The following MARCHF10 variants were observed in gnomAD, a reference collection of about 807,000 sequenced individuals.
The protein encoded by MARCHF10 is membrane associated ring-CH-type finger 10, also known as probable E3 ubiquitin-protein ligase MARCHF10.
MARCHF10 carries 64 observed loss-of-function variants against 76.2 expected under a neutral mutation model. The observed-to-expected ratio is 0.84, with a 90% CI of 0.69 to 1.03. MARCHF10 has a LOEUF of 1.03. Among genes scored for constraint, MARCHF10 ranks in the 50% least tolerant of loss-of-function variants. The pLI is 0.00. For synonymous variants in MARCHF10, 340 were observed against 357.5 expected, an observed-to-expected ratio of 0.95 and a Z score of 0.55; for missense variants, 875 against 958.0, an observed-to-expected ratio of 0.91 and a Z score of 1.14.
chr17:62,805,978 C>T (rs995296548), intron 1 of MARCHF10, among the ~76,000 whole-genome samples: 1 of 151,760 alleles, frequency 6.6e-6, no homozygotes, highest in African/African-American at 2.4e-5. Flanking sequence ...CTCTTCCTTC[C>T]CATAAACTCT....
intron 3 of MARCHF10, among the ~76,000 whole-genome samples, chr17:62,765,759 T>A (rs2092315102): frequency 6.6e-6 from 1 of 152,076 alleles, no homozygotes; most frequent in Non-Finnish European, 1.5e-5. Context: ...CACTGTTCAG[T>A]TTACTTGGTT....
At chr17:62,771,532 A>T (rs1402260434) in intron 3 of MARCHF10, among the ~76,000 whole-genome samples, 1 of 151,966 alleles carries the variant, frequency 6.6e-6, no homozygotes, top group Admixed American at 6.6e-5. Context: ...AGGGATTTTA[A>T]GCAGGCAAAT....
At chr17:62,742,686 CTTTCTTT>C (rs200011720) in intron 5 of MARCHF10, among the ~76,000 whole-genome samples, 94 of 108,402 alleles carry the variant, frequency 8.7e-4, no homozygotes, top group South Asian at 2.1e-3. Flanking sequence ...TCCTTCCTTC[CTTTCTTT>C]TTTCTTTTTT....
chr17:62,805,180 ATT>A (rs762711009), intron 1 of MARCHF10: 1 of 152,182 alleles, frequency 6.6e-6, no homozygotes, highest in South Asian at 2.1e-4. Flanking sequence ...CAAAACATAC[ATT>A]TTGTCTCTAA....
chr17:62,727,444 G>A (rs1387717895), intron 6 of MARCHF10, among the ~76,000 whole-genome samples: 1 of 152,092 alleles, frequency 6.6e-6, no homozygotes, highest in South Asian at 2.1e-4. Flanking sequence ...CGAGGCAGGA[G>A]GATGGCTTGA....
chr17:62,792,968 AACC>A (rs1490579857), intron 2 of MARCHF10, among the ~76,000 whole-genome samples: 2 of 103,688 alleles, frequency 1.9e-5, no homozygotes, highest in Non-Finnish European at 3.9e-5. Context: ...TGCCTCCATC[AACC>A]ACCACCACCT....
intron 3 of MARCHF10, among the ~76,000 whole-genome samples, chr17:62,785,860 T>C (rs761760010): frequency 3.3e-5 from 5 of 152,122 alleles, no homozygotes; most frequent in Non-Finnish European, 1.5e-5. Context: ...TGGCAATCAT[T>C]AAAATGTCAG....
rs2147607748 is a variant in MARCHF10 at position 62,712,127 on chromosome 17, C to A, written c.2215-783G>T. Among the ~76,000 whole-genome samples, 1 of 152,278 alleles carries A rather than the reference C, an allele frequency of 6.6e-6. No homozygotes were observed. Reference sequence around the variant, plus strand: ...TTCCATAAATCAGTGGTATTAGTAACAACTACTCCTATCCCTCTATAGGGG... The same window carrying A: ...TTCCATAAATCAGTGGTATTAGTAAAAACTACTCCTATCCCTCTATAGGGG... On this transcript the variant is annotated intron_variant, in intron 8 of 10. Transcript: ENST00000311269. This position sits in a 1 kb window ranked among gnomAD's most constrained non-coding sequence, Gnocchi z 4.2.
At chr17:62,775,573 G>C (rs1363073313) in intron 3 of MARCHF10, among the ~76,000 whole-genome samples, 1 of 151,448 alleles carries the variant, frequency 6.6e-6, no homozygotes, top group Non-Finnish European at 1.5e-5. Context: ...GTACACAAGT[G>C]ACTTTAGTTT....
At chr17:62,704,479 T>C (rs2089452759) in intron 10 of MARCHF10, among the ~76,000 whole-genome samples, 1 of 152,206 alleles carries the variant, frequency 6.6e-6, no homozygotes, top group Non-Finnish European at 1.5e-5. Context: ...AAATGGTCAG[T>C]TCGGCTTCGC....
intron 2 of MARCHF10, 103 bp from the exon 3 acceptor site, chr17:62,788,702 A>T (rs1022569348): frequency 1.4e-6 from 2 of 1,437,274 alleles, no homozygotes; most frequent in African/African-American, 1.4e-5. Flanking sequence ...AATGATATGC[A>T]TCTCCAGGTG....
intron 2 of MARCHF10, among the ~76,000 whole-genome samples, chr17:62,790,410 A>G (rs190528254): frequency 6.6e-6 from 1 of 152,208 alleles, no homozygotes; most frequent in Non-Finnish European, 1.5e-5. Context: ...TCCTGACCTC[A>G]GGTGATCGGC....
chr17:62,771,650 C>T (rs1442647940), intron 3 of MARCHF10, among the ~76,000 whole-genome samples: 1 of 147,528 alleles, frequency 6.8e-6, no homozygotes, highest in African/African-American at 2.5e-5. Flanking sequence ...GATCTCGGCT[C>T]ACTGCAAGCT....
chr17:62,762,020 A>G (rs2092216597), intron 3 of MARCHF10, among the ~76,000 whole-genome samples: 1 of 152,194 alleles, frequency 6.6e-6, no homozygotes, highest in Non-Finnish European at 1.5e-5. Flanking sequence ...GAGGATGACC[A>G]ACACCTGTGT....
At chr17:62,752,098 A>C (rs2091914848) in intron 4 of MARCHF10, among the ~76,000 whole-genome samples, 1 of 151,934 alleles carries the variant, frequency 6.6e-6, no homozygotes, top group Non-Finnish European at 1.5e-5. Flanking sequence ...GCCATGCTAC[A>C]GAGGATTCGA....
chr17:62,740,749 C>T (rs2091475777), intron 5 of MARCHF10, among the ~76,000 whole-genome samples: 1 of 152,060 alleles, frequency 6.6e-6, no homozygotes, highest in African/African-American at 2.4e-5. Context: ...GCCTCAGCCT[C>T]CTGAGTAGCT....
intron 2 of MARCHF10, among the ~76,000 whole-genome samples, chr17:62,797,454 T>C (rs893694800): frequency 3.9e-5 from 6 of 152,234 alleles, no homozygotes; most frequent in Non-Finnish European, 7.3e-5. Context: ...TCTGCCTGCC[T>C]TGGCCTCCCA....
Position 62,711,533 on chromosome 17 carries a change from C to G in MARCHF10, c.2215-189G>C, listed in dbSNP as rs1436876771. Among the ~76,000 whole-genome samples, 1 of 152,000 alleles carries G rather than the reference C, an allele frequency of 6.6e-6. No individual in the cohort carries two copies. Among genetic ancestry groups the G allele is most frequent in the Non-Finnish European group, 1.5e-5 (1 of 68,024 alleles). On this transcript the variant is annotated intron_variant, in intron 8 of 10. Transcript: ENST00000311269. The surrounding 1 kb of genome is among the most constrained non-coding windows in gnomAD (Gnocchi z 4.4). The stretch of plus-strand genomic sequence containing the variant: ...TCCAGGGTAGAGGCCAGGGCAGCCA[C>G]TCCCCTGGGATTTTTTACTAGCTAG...
At chr17:62,737,442 G>A in intron 5 of MARCHF10, 110 bp from the exon 6 acceptor site, 1 of 976,774 alleles carries the variant, frequency 1.0e-6, no homozygotes. Flanking sequence ...AAGACCTAGA[G>A]AAGAAAACAG....
Sources: allele counts gnomAD v4.1 joint callset (sites outside exome capture counted in the v4.1 genomes callset), GRCh38; gene constraint gnomAD v4.1.1; non-coding constraint Gnocchi (gnomAD v3.1); transcripts MANE v1.5; gene names NCBI Gene and HGNC (gene_info 2026-07-23, HGNC 2026-07-21).